DMD: variants seen among roughly 807,000 people sequenced by gnomAD.
DMD encodes the protein mutant dystrophin.
DMD carries 63 observed loss-of-function variants against 330.1 expected under a neutral mutation model. That is an observed-to-expected ratio of 0.19 (90% CI 0.16 to 0.24). DMD has a LOEUF of 0.24. Ranked by LOEUF, DMD falls within the 10% of genes least tolerant of loss-of-function variation. DMD has a pLI of 1.00. For missense variants in DMD, 3,344 were observed against 2,684.1 expected, an observed-to-expected ratio of 1.25 and a Z score of -5.43; for synonymous variants, 1,223 against 959.8, an observed-to-expected ratio of 1.27 and a Z score of -5.07.
chrX:32,732,621 G>A (rs753235503), intron 7 of DMD, among the ~76,000 whole-genome samples: 2 of 111,212 alleles, frequency 1.8e-5, no homozygotes, highest in African/African-American at 3.3e-5. Flanking sequence ...CATTCTTAAA[G>A]AAAAGAATTT....
intron 18 of DMD, among the ~76,000 whole-genome samples, chrX:32,502,950 G>A (rs1056827958): frequency 9.0e-6 from 1 of 110,886 alleles, no homozygotes; most frequent in African/African-American, 3.3e-5. Context: ...TGGGTATTCA[G>A]CACTTGAAAG....
chrX:32,340,158 T>C (rs1477643526), intron 41 of DMD, among the ~76,000 whole-genome samples: 1 of 111,836 alleles, frequency 8.9e-6, no homozygotes, highest in Admixed American at 9.6e-5. Context: ...CTACTTATCA[T>C]CTATCAATTA....
At chrX:32,595,638 T>C (rs1486496257) in intron 13 of DMD, 119 bp downstream of exon 13, 10 of 694,044 alleles carry the variant, frequency 1.4e-5, no homozygotes, top group Non-Finnish European at 2.2e-5. Context: ...GTGTATATTG[T>C]ACACATATTG....
At chrX:32,142,229 C>T in intron 44 of DMD, among the ~76,000 whole-genome samples, 1 of 111,595 alleles carries the variant, frequency 9.0e-6, no homozygotes. Context: ...TCCAGAGAGA[C>T]ACTCTGCAAA....
At chrX:32,836,727 C>T (rs1247290952) in intron 4 of DMD, among the ~76,000 whole-genome samples, 1 of 111,639 alleles carries the variant, frequency 9.0e-6, no homozygotes, top group Non-Finnish European at 1.9e-5. Flanking sequence ...TAGTTTTATA[C>T]TCTTGGTTTA....
intron 2 of DMD, among the ~76,000 whole-genome samples, chrX:32,891,419 C>T (rs1394264808): frequency 8.9e-6 from 1 of 112,141 alleles, no homozygotes; most frequent in Non-Finnish European, 1.9e-5. Flanking sequence ...TGACAACAGT[C>T]CAAGATGCAA....
intron 43 of DMD, among the ~76,000 whole-genome samples, chrX:32,267,551 G>T (rs1449559937): frequency 2.7e-5 from 3 of 112,111 alleles, no homozygotes; most frequent in Non-Finnish European, 5.6e-5. Context: ...AAAGTCAGCT[G>T]CTTCAAAGCA....
At chrX:32,641,634 T>C (rs1383537694) in intron 11 of DMD, 1 of 156,866 alleles carries the variant, frequency 6.4e-6, no homozygotes. Flanking sequence ...AGCTTATCTG[T>C]ATTTACAAGA....
intron 56 of DMD, among the ~76,000 whole-genome samples, chrX:31,504,049 A>G (rs1430203464): frequency 9.0e-6 from 1 of 111,443 alleles, no homozygotes; most frequent in Non-Finnish European, 1.9e-5. Flanking sequence ...CATAGTAGGC[A>G]TTCATTAAAT....
rs575974629 is a variant in DMD, at chrX:32,091,910, A to G, written c.6439-123396T>C. 5.4e-5 allele frequency among the ~76,000 whole-genome samples: 6 copies of G among 111,737 alleles called. No homozygotes were observed. In the South Asian group the frequency reaches 2.2e-3, roughly 42 times the overall value. On this transcript the variant is annotated intron_variant, in intron 44 of 78. Transcript: ENST00000357033. The stretch of plus-strand genomic sequence containing the variant: ...CATAACTGTCTTAAAAAGAGCCAAA[A>G]GTGAGATCTGATAATTTATCAGATT...
At chrX:31,173,975 T>A (rs1034877820) in intron 71 of DMD, among the ~76,000 whole-genome samples, 3 of 111,332 alleles carry the variant, frequency 2.7e-5, no homozygotes, top group Non-Finnish European at 3.8e-5. Context: ...AAATTTTAAA[T>A]AGTTTACACC....
chrX:31,629,661 A>G (rs958114095), intron 54 of DMD, among the ~76,000 whole-genome samples: 2 of 111,613 alleles, frequency 1.8e-5, no homozygotes, highest in Admixed American at 1.9e-4. Flanking sequence ...AGAAATATCA[A>G]AAGAGTCATT....
intron 36 of DMD, among the ~76,000 whole-genome samples, chrX:32,363,432 T>C (rs138470694): frequency 9.9e-4 from 111 of 112,044 alleles, no homozygotes; most frequent in Middle Eastern, 4.6e-3. Context: ...CTTTATTACA[T>C]TGAGTGTCAT....
chrX:32,690,395 G>A (rs777549554), intron 9 of DMD, among the ~76,000 whole-genome samples: 3 of 111,255 alleles, frequency 2.7e-5, no homozygotes, highest in South Asian at 3.7e-4. Context: ...TTCATGGATC[G>A]AAGGACTTAA....
chrX:33,314,150 A>G (rs1356055121), intron 1 of DMD, among the ~76,000 whole-genome samples: 2 of 111,166 alleles, frequency 1.8e-5, no homozygotes, highest in Non-Finnish European at 3.8e-5. Flanking sequence ...TTATGTATAT[A>G]TCTACACAAA....
At chrX:33,320,302 C>T (rs2053996897) in intron 1 of DMD, among the ~76,000 whole-genome samples, 1 of 111,360 alleles carries the variant, frequency 9.0e-6, no homozygotes, top group Non-Finnish European at 1.9e-5. Flanking sequence ...GCCACAGGGA[C>T]AGAAGTAAGC....
chrX:31,297,950 C>T (rs1457211796), intron 62 of DMD, among the ~76,000 whole-genome samples: 1 of 112,031 alleles, frequency 8.9e-6, no homozygotes, highest in African/African-American at 3.2e-5. Context: ...TTCAAGTTAT[C>T]TATAGACTCA....
chrX:32,178,985 TCTCCTCCTG>T (rs1248845718), intron 44 of DMD, among the ~76,000 whole-genome samples: 3 of 103,698 alleles, frequency 2.9e-5, no homozygotes, highest in African/African-American at 1.1e-4. Context: ...TCTCTCTCCC[TCTCCTCCTG>T]CTCCTCCTCC....
At chrX:33,111,529 CTTA>C (rs2095339350) in intron 1 of DMD, among the ~76,000 whole-genome samples, 1 of 111,896 alleles carries the variant, frequency 8.9e-6, no homozygotes, top group Non-Finnish European at 1.9e-5. Context: ...CCATACGTGA[CTTA>C]TTATTCTGTT....
Sources: allele counts gnomAD v4.1 joint callset (sites outside exome capture counted in the v4.1 genomes callset), GRCh38; gene constraint gnomAD v4.1.1; transcripts MANE v1.5; gene names NCBI Gene and HGNC (gene_info 2026-07-23, HGNC 2026-07-21).